BIRC6: variants seen among roughly 807,000 people sequenced by gnomAD.
The protein encoded by BIRC6 is baculoviral IAP repeat containing 6.
Under a neutral mutation model 503.3 loss-of-function variants are expected in BIRC6, and 98 were observed. The ratio of observed to expected loss-of-function variants is 0.19; its 90% CI spans 0.17 to 0.23. The LOEUF (loss-of-function observed/expected upper bound fraction) is 0.23, where lower values mean the gene tolerates loss of function less well. Among genes scored for constraint, BIRC6 ranks in the 10% least tolerant of loss-of-function variants. The probability of loss-of-function intolerance (pLI) is 1.00; values close to 1 mark genes in which losing one functional copy is unlikely to be tolerated. For missense variants in BIRC6, 5,360 were observed against 5,806.0 expected, an observed-to-expected ratio of 0.92 and a Z score of 2.50; for synonymous variants, 2,240 against 2,078.7, an observed-to-expected ratio of 1.08 and a Z score of -2.11.
At chr2:32,409,006 C>T (rs2041559220) in intron 9 of BIRC6, among the ~76,000 whole-genome samples, 1 of 152,124 alleles carries the variant, frequency 6.6e-6, no homozygotes, top group African/African-American at 2.4e-5. Context: ...TTGGTGTCTT[C>T]TCTTCCTGAA....
chr2:32,419,848 T>C (rs941803642), intron 10 of BIRC6, among the ~76,000 whole-genome samples: 2 of 152,196 alleles, frequency 1.3e-5, no homozygotes, highest in African/African-American at 4.8e-5. Context: ...CTTGTTTTGG[T>C]ACTTGTTTCT....
chr2:32,442,273 G>C, intron 18 of BIRC6, 47 bp downstream of exon 18: 1 of 1,606,850 alleles, frequency 6.2e-7, no homozygotes, highest in African/African-American at 1.3e-5. Context: ...CCTTTTAGAT[G>C]TTATGATTGA....
chr2:32,515,721 T>C lies in BIRC6; in HGVS notation c.11300T>C (p.Phe3767Ser). ...ATTGAGAATGCAACTGTTGCGTTCT[T>C]TCTACAGTGCATTTCATGCCATCCT... ...TAIENATVAF[F>S]LQCISCHPNN... Residue 3767 changes from phenylalanine (F) to serine (S), a missense_variant, in exon 55 of 74, where the codon TTT becomes TCT. By Grantham distance (155) the Phe-to-Ser change is radical. Around this residue, in one of 16 missense-constraint regions of BIRC6, gnomAD observed 878 missense variants for 928.9 expected, o/e 0.95. Coordinates refer to ENST00000421745, the MANE Select transcript of BIRC6 (RefSeq NM_016252.4). 1 of 1,601,568 alleles carries C rather than the reference T, an allele frequency of 6.2e-7. No homozygotes were observed. Among genetic ancestry groups the C allele is most frequent in the Non-Finnish European group, 8.5e-7 (1 of 1,179,794 alleles).
At chr2:32,408,529 A>G (rs2041500670) in intron 9 of BIRC6, among the ~76,000 whole-genome samples, 1 of 152,108 alleles carries the variant, frequency 6.6e-6, no homozygotes, top group South Asian at 2.1e-4. Flanking sequence ...TTGTCACTGG[A>G]ACCTTTCCTT....
intron 25 of BIRC6, 22 bp from the exon 26 acceptor site, chr2:32,465,043 T>A: frequency 7.1e-7 from 1 of 1,406,864 alleles, no homozygotes; most frequent in Non-Finnish European, 9.7e-7. Flanking sequence ...AAAGTTAGAT[T>A]TTTTTTTTTT....
chr2:32,368,986 A>G (rs1009973985), intron 1 of BIRC6, among the ~76,000 whole-genome samples: 1 of 152,196 alleles, frequency 6.6e-6, no homozygotes, highest in Non-Finnish European at 1.5e-5. Context: ...TATAGTAATT[A>G]ATGCCATAAG....
chr2:32,393,929 AAAATT>A (rs1288470994), intron 5 of BIRC6, among the ~76,000 whole-genome samples: 1 of 145,916 alleles, frequency 6.9e-6, no homozygotes, highest in Non-Finnish European at 1.5e-5. Context: ...CATCTTTACT[AAAATT>A]AAACCAGAAA....
intron 55 of BIRC6, among the ~76,000 whole-genome samples, 158 bp downstream of exon 55, chr2:32,515,928 T>C (rs2054984810): frequency 6.6e-6 from 1 of 152,224 alleles, no homozygotes; most frequent in East Asian, 1.9e-4. Flanking sequence ...CCCCTCAAAA[T>C]ATGCTGTCAC....
At chr2:32,594,208 G>T in intron 67 of BIRC6, 148 bp downstream of exon 67, 1 of 795,612 alleles carries the variant, frequency 1.3e-6, no homozygotes, top group Admixed American at 3.3e-5. Flanking sequence ...GTTAGATTTT[G>T]TTCTTTATCT....
intron 9 of BIRC6, among the ~76,000 whole-genome samples, chr2:32,411,044 T>C (rs1023140488): frequency 4.0e-5 from 6 of 150,934 alleles, no homozygotes; most frequent in African/African-American, 1.5e-4. Context: ...CTTGAGTTCA[T>C]TTTTTTTCTT....
Position 32,525,551 on chromosome 2 carries a change from G to A in BIRC6, c.11843G>A (p.Gly3948Glu), listed in dbSNP as rs777097566. The change falls in exon 59 of 74, where the codon GGA (glycine) becomes GAA (glutamate). Residue 3948 changes from glycine to glutamate, a missense_variant. Gly to Glu is a moderately conservative substitution (Grantham distance 98, BLOSUM62 -2). Coordinates refer to ENST00000421745, the MANE Select transcript of BIRC6 (RefSeq NM_016252.4). Reference protein sequence around the residue: ...RRGRTIPDKIGSTSGAEAANK... With the variant: ...RRGRTIPDKIESTSGAEAANK... ...GGGAGGACAATACCTGATAAAATAG[G>A]AAGTACTTCAGGAGCAGAGGCTGCC... 6.2e-7 allele frequency: 1 copy of A among 1,613,946 alleles called. No individual in the cohort carries two copies. Among genetic ancestry groups the A allele is most frequent in the East Asian group, 2.2e-5 (1 of 44,876 alleles).
intron 65 of BIRC6, among the ~76,000 whole-genome samples, chr2:32,563,079 A>G (rs974555536): frequency 1.3e-5 from 2 of 152,148 alleles, no homozygotes; most frequent in African/African-American, 4.8e-5. Context: ...TTGCCTTTCC[A>G]TAGAAACTTA....
At chr2:32,429,347 T>C in intron 11 of BIRC6, 52 bp downstream of exon 11, 1 of 1,311,672 alleles carries the variant, frequency 7.6e-7, no homozygotes, top group Non-Finnish European at 1.0e-6. Flanking sequence ...GTAGTATTTA[T>C]CATTTTTCTA....
At chr2:32,570,428 C>T (rs561051902) in intron 65 of BIRC6, among the ~76,000 whole-genome samples, 24 of 152,262 alleles carry the variant, frequency 1.6e-4, no homozygotes, top group African/African-American at 4.6e-4. Flanking sequence ...AAGCAATTCA[C>T]TCACCTTGGC....
At chr2:32,474,972 G>A (rs1469479032) in intron 33 of BIRC6, among the ~76,000 whole-genome samples, 1 of 151,776 alleles carries the variant, frequency 6.6e-6, no homozygotes, top group Non-Finnish European at 1.5e-5. Flanking sequence ...CACTTTGGGA[G>A]GTTGAGGCGG....
In BIRC6 at chr2:32,436,560, C is replaced by G. The variant is rs369491093; in HGVS notation, c.3631+376C>G. On this transcript the variant is annotated intron_variant, in intron 15 of 73. Transcript: ENST00000421745. ...TATTATATATTATTACAGTATCTTC[C>G]CTTAAAAGAGGTATTTTGTTTGTTT... Among the ~76,000 whole-genome samples, 43 of 152,086 alleles carry G rather than the reference C, an allele frequency of 2.8e-4. 1 individual carries two copies. In the South Asian group the frequency reaches 8.9e-3, roughly 32 times the overall value.
intron 23 of BIRC6, among the ~76,000 whole-genome samples, chr2:32,455,153 C>T (rs1460716027): frequency 1.3e-5 from 2 of 151,634 alleles, no homozygotes; most frequent in East Asian, 1.9e-4. Flanking sequence ...CCAAGGTGGG[C>T]GGATCATGAG....
intron 32 of BIRC6, among the ~76,000 whole-genome samples, chr2:32,472,049 T>TA (rs764687270): frequency 4.7e-4 from 72 of 152,226 alleles, no homozygotes; most frequent in Non-Finnish European, 8.4e-4. Context: ...AGGTAAGAAA[T>TA]ACAATTAACA....
intron 13 of BIRC6, 146 bp downstream of exon 13, chr2:32,433,950 A>T (rs2044408745): frequency 3.1e-6 from 2 of 642,306 alleles, no homozygotes. Context: ...TATTTAAAAA[A>T]GTAATTCAGA....
Sources: allele counts gnomAD v4.1 joint callset (sites outside exome capture counted in the v4.1 genomes callset), GRCh38; gene constraint gnomAD v4.1.1; regional missense constraint gnomAD v4.1.1; transcripts MANE v1.5; gene names NCBI Gene and HGNC (gene_info 2026-07-23, HGNC 2026-07-21).